The following MTUS2 variants were observed in gnomAD, a reference collection of about 807,000 sequenced individuals.
The protein encoded by MTUS2 is microtubule-associated tumor suppressor candidate 2.
A neutral mutation model predicts 114.1 loss-of-function variants in MTUS2; 40 were observed. That is an observed-to-expected ratio of 0.35 (90% confidence interval 0.27 to 0.46). The LOEUF (loss-of-function observed/expected upper bound fraction) is 0.46. Ranked by LOEUF, MTUS2 falls within the 20% of genes least tolerant of loss-of-function variation. The pLI is 1.00. For synonymous variants in MTUS2, 688 were observed against 672.0 expected, an observed-to-expected ratio of 1.02 and a Z score of -0.37; for missense variants, 1,679 against 1,705.4, an observed-to-expected ratio of 0.98 and a Z score of 0.27.
At chr13:29,040,781 T>C (rs1887316856) in intron 4 of MTUS2, among the ~76,000 whole-genome samples, 2 of 152,238 alleles carry the variant, frequency 1.3e-5, no homozygotes, top group South Asian at 2.1e-4. Context: ...TTCATTTCTT[T>C]AGTCTACTTT....
intron 5 of MTUS2, among the ~76,000 whole-genome samples, chr13:29,251,850 G>T (rs1156555181): frequency 6.6e-6 from 1 of 152,074 alleles, no homozygotes; most frequent in African/African-American, 2.4e-5. Flanking sequence ...TGGACATTTG[G>T]GTTGTTTCCA....
chr13:29,278,426 A>G (rs1222925426), intron 5 of MTUS2, among the ~76,000 whole-genome samples: 1 of 152,234 alleles, frequency 6.6e-6, no homozygotes, highest in East Asian at 1.9e-4. Context: ...TGTCCAGATT[A>G]TTTAAAGAAG....
chr13:29,034,844 A>G (rs1886991979), intron 4 of MTUS2, among the ~76,000 whole-genome samples: 1 of 152,172 alleles, frequency 6.6e-6, no homozygotes, highest in Non-Finnish European at 1.5e-5. Context: ...GTCCCCCACC[A>G]CTGCACCTTC....
At position 29,307,684 on chromosome 13, in the gene MTUS2, C is replaced by T; in HGVS notation, c.2807-16929C>T. ...CTTCGACGCTGGGGCTAGCATTGCC[C>T]TCAACGACCACTTTTTCAAGCTCAT... On this transcript the variant is annotated intron_variant, in intron 6 of 15. Transcript: ENST00000612955. 3.5e-6 allele frequency: 4 copies of T among 1,137,170 alleles called. No individual in the cohort carries two copies. In the South Asian group the frequency reaches 4.9e-5, roughly 14 times the overall value. 70.4% of individuals were successfully genotyped at this position (1,137,170 alleles called of 1,614,324 possible).
chr13:29,473,710 C>T (rs1344248678), intron 9 of MTUS2, among the ~76,000 whole-genome samples: 1 of 152,132 alleles, frequency 6.6e-6, no homozygotes, highest in Non-Finnish European at 1.5e-5. Context: ...TTTTGCTTTT[C>T]AAATCTATGC....
intron 8 of MTUS2, among the ~76,000 whole-genome samples, chr13:29,419,255 G>A (rs1001946613): frequency 2.6e-5 from 4 of 152,198 alleles, no homozygotes; most frequent in Non-Finnish European, 5.9e-5. Flanking sequence ...AAGCAAAGAG[G>A]AGTGGCAGGG....
At chr13:28,856,790 C>T (rs1319471845) in intron 2 of MTUS2, among the ~76,000 whole-genome samples, 5 of 152,184 alleles carry the variant, frequency 3.3e-5, no homozygotes, top group Admixed American at 6.5e-5. Flanking sequence ...CTCCCTACCC[C>T]GCCAAAATAA....
At chr13:29,031,234 A>AT (rs1471818513) in intron 3 of MTUS2, among the ~76,000 whole-genome samples, 11 of 7,454 alleles carry the variant, frequency 1.5e-3, no homozygotes, top group African/African-American at 3.4e-3. Context: ...AATAGAACTA[A>AT]TAGGTGTGTG....
chr13:29,366,697 G>C (rs1477836681), intron 8 of MTUS2, among the ~76,000 whole-genome samples: 1 of 152,148 alleles, frequency 6.6e-6, no homozygotes, highest in Non-Finnish European at 1.5e-5. Flanking sequence ...CCTTTGTGGA[G>C]CATCTGAATC....
At chr13:29,469,626 C>CAAA (rs768631653) in intron 9 of MTUS2, among the ~76,000 whole-genome samples, 1,641 of 117,684 alleles carry the variant, frequency 0.014, 35 homozygotes, top group African/African-American at 0.053. Flanking sequence ...GACTATGTCT[C>CAAA]AAAAAAAAAA....
chr13:29,154,435 A>G (rs776164346), intron 5 of MTUS2, among the ~76,000 whole-genome samples: 1 of 152,234 alleles, frequency 6.6e-6, no homozygotes, highest in African/African-American at 2.4e-5. Flanking sequence ...ATCATCTCAT[A>G]CATTATTAAA....
intron 5 of MTUS2, among the ~76,000 whole-genome samples, chr13:29,199,423 C>T (rs976584812): frequency 4.6e-5 from 7 of 152,252 alleles, no homozygotes; most frequent in East Asian, 1.9e-4. Flanking sequence ...TTATCAAAGG[C>T]CTTTTCTGCA....
intron 2 of MTUS2, among the ~76,000 whole-genome samples, chr13:28,849,192 TTTTA>T (rs1239283000): frequency 1.3e-5 from 2 of 152,246 alleles, no homozygotes; most frequent in African/African-American, 2.4e-5. Context: ...GATAGTAGCA[TTTTA>T]TTTGTTTTCC....
chr13:29,008,258 T>C (rs1174351432), intron 2 of MTUS2, among the ~76,000 whole-genome samples: 1 of 152,210 alleles, frequency 6.6e-6, no homozygotes, highest in Non-Finnish European at 1.5e-5. Flanking sequence ...AAGGTTTCTT[T>C]ATCTTAGAGA....
At chr13:29,163,758 G>T (rs1008310895) in intron 5 of MTUS2, among the ~76,000 whole-genome samples, 5 of 152,136 alleles carry the variant, frequency 3.3e-5, no homozygotes, top group Admixed American at 3.3e-4. Context: ...TGCAGCCAGG[G>T]CTCTCTCATC....
chr13:29,019,964 C>A (rs1380182677), intron 2 of MTUS2, among the ~76,000 whole-genome samples: 2 of 152,278 alleles, frequency 1.3e-5, no homozygotes, highest in East Asian at 3.9e-4. Flanking sequence ...GCATATAGCT[C>A]TTTGTAAATA....
intron 7 of MTUS2, among the ~76,000 whole-genome samples, chr13:29,325,423 T>C (rs1221889695): frequency 7.4e-6 from 1 of 135,340 alleles, no homozygotes; most frequent in Non-Finnish European, 1.5e-5. Context: ...GCCACCACAC[T>C]CCAGCCTGGG....
chr13:28,831,242 G>T (rs763631618), intron 1 of MTUS2, among the ~76,000 whole-genome samples: 10 of 152,060 alleles, frequency 6.6e-5, no homozygotes, highest in Non-Finnish European at 1.2e-4. Context: ...AAAGACATCA[G>T]ACGTAACACA....
At chr13:29,205,522 C>T (rs1895148790) in intron 5 of MTUS2, among the ~76,000 whole-genome samples, 1 of 152,166 alleles carries the variant, frequency 6.6e-6, no homozygotes, top group Non-Finnish European at 1.5e-5. Flanking sequence ...AAGCAGTGTA[C>T]ACTGCACCCA....
Sources: gnomAD v4.1 joint callset for allele counts (sites outside exome capture counted in the v4.1 genomes callset) on GRCh38, gnomAD v4.1.1 for gene constraint, MANE v1.5 for transcripts, NCBI Gene and HGNC (gene_info 2026-07-23, HGNC 2026-07-21) for gene names.